EWSR1: variants seen among roughly 807,000 people sequenced by gnomAD.
The protein encoded by EWSR1 is EWS RNA binding protein 1, also known as RNA-binding protein EWS.
In EWSR1, 14 loss-of-function variants were observed where a neutral mutation model predicts 92.1. The observed-to-expected ratio is 0.15, with a 90% CI of 0.10 to 0.24. EWSR1 has a LOEUF of 0.24. EWSR1 is among the 10% of genes least tolerant of loss of function. The pLI, the probability that EWSR1 is intolerant of heterozygous loss-of-function variation, is 1.00. For synonymous variants in EWSR1, 303 were observed against 292.9 expected (o/e 1.03, Z -0.35); for missense variants, 637 against 870.9 (o/e 0.73, Z 3.38).
chr22:29,298,948 T>C, intron 14 of EWSR1, 53 bp downstream of exon 14: 3 of 1,498,494 alleles, frequency 2.0e-6, no homozygotes, highest in Non-Finnish European at 1.8e-6. Context: ...CACCCTTCCC[T>C]CACCCCATCC....
chr22:29,268,930 G>A (rs929364937), intron 1 of EWSR1, among the ~76,000 whole-genome samples: 5 of 152,238 alleles, frequency 3.3e-5, no homozygotes, highest in African/African-American at 1.2e-4. Context: ...CCCCCTCTGT[G>A]GCTTCCAGCC....
Position 29,268,365 on chromosome 22 carries a change from C to T in EWSR1, c.13+16C>T. The T allele has an allele frequency of 1.2e-6, 2 of 1,614,074 alleles. No individual in the cohort carries two copies. The highest frequency in any genetic ancestry group is 1.7e-6 in the Non-Finnish European group (2 of 1,179,948). ...GCGTCCACGGGTGAGTATGGTGGAA[C>T]TGCGGTCGCGCCGGCGGTAGCCGGA... On this transcript the variant is annotated intron_variant, in intron 1 of 16. Coordinates refer to ENST00000397938, the MANE Select transcript of EWSR1 (RefSeq NM_005243.4).
chr22:29,273,703 A>G (rs757140029), intron 3 of EWSR1, 38 bp from the exon 4 acceptor site: 62 of 1,592,678 alleles, frequency 3.9e-5, no homozygotes, highest in Non-Finnish European at 5.2e-5. Flanking sequence ...ACAAAAGTTC[A>G]TGTATGAAGT....
chr22:29,271,993 T>C lies in EWSR1; in HGVS notation c.14-223T>C, dbSNP rs996103533. ...AGTATACCTGCCAAATCAGCTGATCTTGACCTCATTAGCTAGTCCCACAGT... is the reference window on the plus strand; with the variant it reads ...AGTATACCTGCCAAATCAGCTGATCCTGACCTCATTAGCTAGTCCCACAGT... On this transcript the variant is annotated intron_variant, in intron 1 of 16. Transcript: ENST00000397938. Among the ~76,000 whole-genome samples, 28 of 152,196 alleles carry C rather than the reference T, an allele frequency of 1.8e-4. 1 individual carries two copies. The highest frequency in any genetic ancestry group is 6.3e-4 in the African/African-American group (26 of 41,456).
At chr22:29,296,025 A>G (rs920192730) in intron 11 of EWSR1, 2 of 512,656 alleles carry the variant, frequency 3.9e-6, no homozygotes, top group African/African-American at 3.8e-5. Flanking sequence ...TATCCTGTTC[A>G]CTTCCACACT....
chr22:29,274,233 A>G (rs1366985232), intron 4 of EWSR1: 2 of 1,612,298 alleles, frequency 1.2e-6, no homozygotes, highest in Admixed American at 3.3e-5. Flanking sequence ...CTGATAGTGT[A>G]CCCTCTACTT....
intron 14 of EWSR1, 113 bp downstream of exon 14, chr22:29,299,008 A>G (rs2061117926): frequency 7.4e-7 from 1 of 1,353,488 alleles, no homozygotes; most frequent in East Asian, 2.3e-5. Flanking sequence ...GATGACCCTG[A>G]TGGCTGGTTA....
At chr22:29,287,294 C>T (rs1433323803) in intron 7 of EWSR1, among the ~76,000 whole-genome samples, 160 bp downstream of exon 7, 1 of 152,094 alleles carries the variant, frequency 6.6e-6, no homozygotes, top group African/African-American at 2.4e-5. Flanking sequence ...CTGCAGCCTC[C>T]GCCTCCTGGT....
rs1009329386 is a variant in EWSR1, at chr22:29,300,516, TAA to T, written c.*357_*358del. ...TTTTAAATAAAATTCCAAATGTTTA[TAA>T]AGAGTCATCCTTCTCGGCCTCTGTT... On this transcript the variant is annotated 3_prime_UTR_variant, in exon 17 of 17. Coordinates refer to ENST00000397938, the MANE Select transcript of EWSR1 (RefSeq NM_005243.4). 9.2e-6 allele frequency: 2 copies of T among 216,696 alleles called. No individual in the cohort carries two copies. Among genetic ancestry groups the T allele is most frequent in the African/African-American group, 4.6e-5 (2 of 43,392 alleles). The allele number at this position is 216,696 out of a possible 1,614,324, so 13.4% of individuals were successfully genotyped here.
At chr22:29,270,665 G>A (rs529712264) in intron 1 of EWSR1, among the ~76,000 whole-genome samples, 3 of 152,240 alleles carry the variant, frequency 2.0e-5, no homozygotes, top group East Asian at 1.9e-4. Context: ...CGTAAAAGTC[G>A]TCTTGCAAAC....
At chr22:29,292,787 G>C (rs900275438) in intron 11 of EWSR1, among the ~76,000 whole-genome samples, 181 bp downstream of exon 11, 3 of 142,626 alleles carry the variant, frequency 2.1e-5, no homozygotes, top group Admixed American at 7.2e-5. Flanking sequence ...TTTTTGAGAC[G>C]GAGTTTCCTT....
At chr22:29,290,067 C>T in intron 8 of EWSR1, 1 of 246,436 alleles carries the variant, frequency 4.1e-6, no homozygotes, top group East Asian at 5.9e-5. Context: ...TATTTAAATA[C>T]TCCAGAAGTT....
At chr22:29,271,011 T>TAAGCCA (rs984398653) in intron 1 of EWSR1, among the ~76,000 whole-genome samples, 5 of 152,214 alleles carry the variant, frequency 3.3e-5, no homozygotes, top group Non-Finnish European at 7.3e-5. Context: ...GGTAGGCAGA[T>TAAGCCA]AAGCCAACGT....
chr22:29,272,153 CTT>C, intron 1 of EWSR1, 61 bp from the exon 2 acceptor site: 1 of 1,489,786 alleles, frequency 6.7e-7, no homozygotes, highest in Non-Finnish European at 9.4e-7. Context: ...TTCTTTCCCC[CTT>C]TTTTCTCTTC....
At chr22:29,276,356 A>G (rs1201681701) in intron 4 of EWSR1, 6 of 227,790 alleles carry the variant, frequency 2.6e-5, no homozygotes, top group Non-Finnish European at 5.2e-5. Flanking sequence ...TTCTGGAACT[A>G]TGTATACTTT....
At position 29,293,762 on chromosome 22, in the gene EWSR1, G is replaced by A. The variant is rs1477494655; in HGVS notation, c.1164+1156G>A. ...GTATTTTTAGTAGAGATGGGGTTTG[G>A]TGAAACCATGTTGGTCAGGCTGGTC... On this transcript the variant is annotated intron_variant, in intron 11 of 16. Coordinates refer to ENST00000397938, the MANE Select transcript of EWSR1 (RefSeq NM_005243.4). Among the ~76,000 whole-genome samples the A allele has an allele frequency of 7.9e-5, 12 of 151,994 alleles. No homozygotes were observed. The East Asian group carries it at 1.9e-3, about 25-fold the overall frequency.
chr22:29,290,300 G>A, intron 8 of EWSR1: 1 of 997,154 alleles, frequency 1.0e-6, no homozygotes, highest in South Asian at 1.6e-5. Flanking sequence ...GTACAGGTAA[G>A]GCACTCAATG....
chr22:29,295,409 CTTGAGCCCAGGAGT>C (rs2060777653), intron 11 of EWSR1: 1 of 210,802 alleles, frequency 4.7e-6, no homozygotes, highest in Non-Finnish European at 9.6e-6. Context: ...CCAAGGATTG[CTTGAGCCCAGGAGT>C]TTGAGACCAG....
At chr22:29,272,539 A>G (rs189461448) in intron 3 of EWSR1, 108 bp downstream of exon 3, 3 of 1,146,530 alleles carry the variant, frequency 2.6e-6, no homozygotes, top group East Asian at 2.5e-5. Flanking sequence ...TGTTTGGAAT[A>G]GTAAAATACC....
Sources: gnomAD v4.1 joint callset for allele counts (sites outside exome capture counted in the v4.1 genomes callset) on GRCh38, gnomAD v4.1.1 for gene constraint, MANE v1.5 for transcripts, NCBI Gene and HGNC (gene_info 2026-07-23, HGNC 2026-07-21) for gene names.